The following ACAD9 variants were observed in gnomAD, a reference collection of about 807,000 sequenced individuals.
The protein encoded by ACAD9 is acyl-CoA dehydrogenase family member 9, also known as complex I assembly factor ACAD9, mitochondrial.
In ACAD9, 53 loss-of-function variants were observed where a neutral mutation model predicts 70.2. The ratio of observed to expected loss-of-function variants is 0.75; its 90% CI spans 0.61 to 0.95. The LOEUF (loss-of-function observed/expected upper bound fraction) is 0.95. ACAD9 is among the 40% of genes least tolerant of loss of function. The probability of loss-of-function intolerance (pLI) is 0.00; values close to 1 mark genes in which losing one functional copy is unlikely to be tolerated. For synonymous variants in ACAD9, 313 were observed against 312.1 expected, an observed-to-expected ratio of 1.00 and a Z score of -0.03; for missense variants, 777 against 802.8, an observed-to-expected ratio of 0.97 and a Z score of 0.39.
At chr3:128,908,937 G>A (rs371490618) in intron 13 of ACAD9, 36 bp from the exon 14 acceptor site, 32 of 1,613,750 alleles carry the variant, frequency 2.0e-5, no homozygotes, top group Middle Eastern at 3.3e-4. Context: ...CGCCAGCAGC[G>A]AGGCCTCCAG....
chr3:128,888,970 C>T (rs183354028), intron 2 of ACAD9, among the ~76,000 whole-genome samples: 1 of 150,810 alleles, frequency 6.6e-6, no homozygotes, highest in East Asian at 2.0e-4. Flanking sequence ...TCATGTGACA[C>T]ATAATGACAT....
rs770740555 is a variant in ACAD9 at position 128,910,199 on chromosome 3, G to A, written c.1692+50G>A. The A allele has an allele frequency of 4.7e-6, 7 of 1,500,422 alleles. No individual in the cohort carries two copies. The South Asian group carries it at 8.0e-5, about 17-fold the overall frequency. 92.9% of individuals were successfully genotyped at this position (1,500,422 alleles called of 1,614,324 possible). A position where few individuals can be genotyped will look rare whatever the true frequency, so the allele number is the denominator to read the frequency against. ...GGGCCTGGCTGCTGCCATCTGTCCT[G>A]CTGCACTTTAATGAAGTTGATTGTT... On this transcript the variant is annotated intron_variant, in intron 16 of 17. Coordinates refer to ENST00000308982, the MANE Select transcript of ACAD9 (RefSeq NM_014049.5).
chr3:128,890,889 T>C (rs1935401850), intron 2 of ACAD9, among the ~76,000 whole-genome samples: 1 of 151,142 alleles, frequency 6.6e-6, no homozygotes, highest in South Asian at 2.1e-4. Context: ...TCACCCAGGC[T>C]GAAGTGCAGT....
intron 11 of ACAD9, 130 bp from the exon 12 acceptor site, chr3:128,905,991 C>T: frequency 8.0e-7 from 1 of 1,255,006 alleles, no homozygotes; most frequent in Non-Finnish European, 1.1e-6. Flanking sequence ...GACTTGACCA[C>T]ATCACCCCTC....
intron 2 of ACAD9, among the ~76,000 whole-genome samples, chr3:128,888,157 G>A (rs564275045): frequency 3.9e-4 from 59 of 152,306 alleles, no homozygotes; most frequent in African/African-American, 1.3e-3. Flanking sequence ...TATAAAGGCC[G>A]TACATAAATT....
In ACAD9 at chr3:128,912,663, ATGACT is replaced by A. The variant is rs1936473390; in HGVS notation, c.*57_*61del. 4 of 1,416,896 alleles carry A rather than the reference ATGACT, an allele frequency of 2.8e-6. No homozygotes were observed. The highest frequency in any genetic ancestry group is 1.4e-5 in the African/African-American group (1 of 70,996). The allele number at this position is 1,416,896 out of a possible 1,614,324, so 87.8% of individuals were successfully genotyped here. On this transcript the variant is annotated 3_prime_UTR_variant, in exon 18 of 18. Transcript: ENST00000308982. The stretch of plus-strand genomic sequence containing the variant: ...GCCCCTACCCATGGCCCGTTGCTGG[ATGACT>A]GTTACTCTTTTTTCAGAAGGTGTTG...
intron 1 of ACAD9, among the ~76,000 whole-genome samples, chr3:128,882,042 C>G (rs36120249): frequency 0.13 from 19,836 of 152,090 alleles, 1,343 homozygotes; most frequent in Middle Eastern, 0.16. Context: ...GAGTTGGGGG[C>G]TTTCTCTGTC....
chr3:128,905,249 C>A (rs1935855818), intron 11 of ACAD9, among the ~76,000 whole-genome samples: 1 of 152,230 alleles, frequency 6.6e-6, no homozygotes, highest in Non-Finnish European at 1.5e-5. Flanking sequence ...GTGGCACACG[C>A]CTATAGTCCC....
At chr3:128,907,403 G>A (rs1935925294) in intron 12 of ACAD9, among the ~76,000 whole-genome samples, 1 of 152,182 alleles carries the variant, frequency 6.6e-6, no homozygotes, top group Non-Finnish European at 1.5e-5. Context: ...GTTCTCCAGG[G>A]CTGGGGTGGT....
chr3:128,908,338 G>A (rs1935967210), intron 13 of ACAD9, 74 bp downstream of exon 13: 2 of 1,545,956 alleles, frequency 1.3e-6, no homozygotes, highest in South Asian at 1.1e-5. Context: ...GGCAGTGGGA[G>A]GAAAGAGCTG....
rs149595527 is a variant in ACAD9 at position 128,912,542 on chromosome 3, G to A, written c.1801G>A (p.Val601Met). Reference sequence around the variant, plus strand: ...AAACCTAGATGAGCAGATTAAGAAAGTGTCCCAGCAGATCCTTGAGAAGCG... The same window carrying A: ...AAACCTAGATGAGCAGATTAAGAAAATGTCCCAGCAGATCCTTGAGAAGCG... The part of the protein sequence containing the change: ...PENLDEQIKK[V>M]SQQILEKRAY... The change falls in exon 18 of 18, where the codon GTG becomes ATG. Residue 601 changes from valine (V) to methionine (M), a missense_variant. Coordinates refer to ENST00000308982, the MANE Select transcript of ACAD9 (RefSeq NM_014049.5). 58 of 1,614,148 alleles carry A rather than the reference G, an allele frequency of 3.6e-5. No homozygotes were observed. The African/African-American group carries it at 6.7e-4, about 19-fold the overall frequency.
chr3:128,908,152 G>A (rs1301480730), intron 12 of ACAD9, 33 bp from the exon 13 acceptor site: 5 of 1,609,160 alleles, frequency 3.1e-6, no homozygotes, highest in African/African-American at 1.3e-5. Context: ...CTGGCCGGGG[G>A]GCAGCCTTTG....
intron 2 of ACAD9, among the ~76,000 whole-genome samples, chr3:128,888,391 C>T (rs62268186): frequency 0.029 from 4,384 of 152,096 alleles, 107 homozygotes; most frequent in South Asian, 0.11. Flanking sequence ...CCAGCCTGGC[C>T]AACATAGTGA....
intron 3 of ACAD9, among the ~76,000 whole-genome samples, chr3:128,894,275 C>T (rs1935503362): frequency 6.6e-6 from 1 of 152,148 alleles, no homozygotes; most frequent in Non-Finnish European, 1.5e-5. Flanking sequence ...CAATCCATTC[C>T]AAAATGTTAC....
In ACAD9 at chr3:128,913,018, C is replaced by T; in HGVS notation, c.*411C>T. The T allele has an allele frequency of 2.2e-6, 1 of 458,950 alleles. No individual in the cohort carries two copies. Among genetic ancestry groups the T allele is most frequent in the Non-Finnish European group, 4.3e-6 (1 of 229,942 alleles). 28.4% of individuals were successfully genotyped at this position (458,950 alleles called of 1,614,324 possible). ...CTAAGAAACAGCTTGAAAGCTCTGT[C>T]TGGGTCATTCATTTAAACTAGAAGC... On this transcript the variant is annotated 3_prime_UTR_variant, in exon 18 of 18. Transcript: ENST00000308982.
At chr3:128,900,473 C>T (rs933312654) in intron 7 of ACAD9, among the ~76,000 whole-genome samples, 3 of 151,590 alleles carry the variant, frequency 2.0e-5, no homozygotes, top group Admixed American at 6.6e-5. Context: ...CTCCTGACCT[C>T]GTGATCCGCT....
At chr3:128,908,836 T>G (rs1576349199) in intron 13 of ACAD9, 137 bp from the exon 14 acceptor site, 1 of 1,404,694 alleles carries the variant, frequency 7.1e-7, no homozygotes, top group Non-Finnish European at 9.8e-7. Context: ...TTTGGGGGGG[T>G]TCAGGCTGTA....
intron 5 of ACAD9, among the ~76,000 whole-genome samples, chr3:128,897,308 A>C (rs1201642075): frequency 6.6e-6 from 1 of 152,028 alleles, no homozygotes; most frequent in Admixed American, 6.6e-5. Context: ...CAGCCTCCCG[A>C]GTAGCTGGGA....
rs547697115 is a variant in ACAD9, at chr3:128,910,141, G to A, written c.1684G>A (p.Asp562Asn). Residue 562 changes from aspartate to asparagine, a missense_variant, in exon 16 of 18, where the codon GAC becomes AAC. Physicochemically the swap from Asp to Asn is conservative, Grantham distance 23 (BLOSUM62 1). Transcript: ENST00000308982. The stretch of plus-strand genomic sequence containing the variant: ...CATCCGCATTGGGCTCCGCAACCAC[G>A]ACCACGAGGTGAGCCCAGCCCAGCC... ...RSIRIGLRNH[D>N]HEVLLANTFC... 4.3e-5 allele frequency: 69 copies of A among 1,613,896 alleles called. No individual in the cohort carries two copies. In the Middle Eastern group the frequency reaches 6.6e-4, roughly 15 times the overall value.
Sources: gnomAD v4.1 joint callset for allele counts (sites outside exome capture counted in the v4.1 genomes callset) on GRCh38, gnomAD v4.1.1 for gene constraint, MANE v1.5 for transcripts, NCBI Gene and HGNC (gene_info 2026-07-23, HGNC 2026-07-21) for gene names.